The following NTM variants were observed in gnomAD, a reference collection of about 807,000 sequenced individuals.
NTM encodes neurotrimin.
Under a neutral mutation model 42.1 loss-of-function variants are expected in NTM, and 13 were observed. The observed-to-expected ratio is 0.31, with a 90% CI of 0.20 to 0.49. The LOEUF is 0.49. Ranked by LOEUF, NTM falls within the 20% of genes least tolerant of loss-of-function variation. The pLI is 0.99. For synonymous variants in NTM, 187 were observed against 179.2 expected (o/e 1.04, Z -0.35); for missense variants, 373 against 452.8 (o/e 0.82, Z 1.60).
intron 2 of NTM, among the ~76,000 whole-genome samples, chr11:132,068,702 A>G (rs2056893080): frequency 6.6e-6 from 1 of 152,226 alleles, no homozygotes; most frequent in Non-Finnish European, 1.5e-5. Flanking sequence ...AGAGACATCA[A>G]AAGGGGTGCA....
chr11:131,583,089 C>T (rs2058559931), intron 1 of NTM, among the ~76,000 whole-genome samples: 1 of 152,230 alleles, frequency 6.6e-6, no homozygotes, highest in African/African-American at 2.4e-5. Flanking sequence ...CATCACTAAC[C>T]TATTTCCACA....
intron 1 of NTM, among the ~76,000 whole-genome samples, chr11:131,428,656 T>G (rs1948389254): frequency 6.6e-6 from 1 of 152,144 alleles, no homozygotes; most frequent in Non-Finnish European, 1.5e-5. Context: ...CTTTAATCTT[T>G]GTATCATTTC....
At chr11:131,791,091 T>A (rs985322985) in intron 1 of NTM, among the ~76,000 whole-genome samples, 2 of 152,202 alleles carry the variant, frequency 1.3e-5, no homozygotes, top group Non-Finnish European at 2.9e-5. Flanking sequence ...GTGTACAAGT[T>A]GGCAAAAAAC....
At chr11:132,056,959 G>A (rs999347258) in intron 2 of NTM, among the ~76,000 whole-genome samples, 6 of 152,142 alleles carry the variant, frequency 3.9e-5, no homozygotes, top group African/African-American at 9.7e-5. Flanking sequence ...CAGGGGCGCC[G>A]CCTGCTTTGT....
At chr11:131,410,718 C>T (rs374077096) in intron 1 of NTM, among the ~76,000 whole-genome samples, 42 of 152,112 alleles carry the variant, frequency 2.8e-4, no homozygotes, top group African/African-American at 8.4e-4. Flanking sequence ...TTTCTGATTA[C>T]GGCCTTTGCT....
chr11:131,703,947 C>T (rs1039604749), intron 1 of NTM, among the ~76,000 whole-genome samples: 4 of 152,136 alleles, frequency 2.6e-5, no homozygotes, highest in African/African-American at 9.7e-5. Flanking sequence ...GCCCCCACAG[C>T]TCCAGCCTCT....
chr11:131,860,080 C>T (rs1050642186), intron 1 of NTM, among the ~76,000 whole-genome samples: 1 of 152,144 alleles, frequency 6.6e-6, no homozygotes. Context: ...GCGTCTATAT[C>T]GGGCCTCAGC....
chr11:131,763,615 G>C (rs890418013), intron 1 of NTM, among the ~76,000 whole-genome samples: 5 of 151,314 alleles, frequency 3.3e-5, no homozygotes, highest in Non-Finnish European at 7.4e-5. Flanking sequence ...ATCTAGAATG[G>C]GAAGCTGAAG....
rs144418819 is a variant in NTM at position 131,876,700 on chromosome 11, G to C, written c.83-34864G>C. ...TCCACAGCAACCAGAGCTGAGAGAG[G>C]CCAGGTTATATGAGTGAGACAACCT... On this transcript the variant is annotated intron_variant, in intron 1 of 8. Coordinates refer to ENST00000683400, the MANE Select transcript of NTM (RefSeq NM_001352005.2). Among the ~76,000 whole-genome samples the C allele has an allele frequency of 2.2e-4, 34 of 152,254 alleles. 1 individual carries two copies. In the East Asian group the frequency reaches 5.8e-3, roughly 26 times the overall value.
At chr11:131,667,995 G>C (rs1443412924) in intron 1 of NTM, among the ~76,000 whole-genome samples, 2 of 152,210 alleles carry the variant, frequency 1.3e-5, no homozygotes, top group African/African-American at 4.8e-5. Context: ...CTGGTGCCTT[G>C]TGCGGCTTGA....
At chr11:131,437,233 T>C (rs1007644876) in intron 1 of NTM, among the ~76,000 whole-genome samples, 3 of 152,338 alleles carry the variant, frequency 2.0e-5, no homozygotes, top group African/African-American at 7.2e-5. Context: ...ATAAGTGCGA[T>C]GTGGTGCTGA....
intron 1 of NTM, chr11:131,777,163 C>T (rs2087151692): frequency 1.6e-5 from 10 of 614,356 alleles, no homozygotes; most frequent in Non-Finnish European, 1.8e-5. Flanking sequence ...CACCAATGCC[C>T]ACTACTGCCT....
intron 2 of NTM, among the ~76,000 whole-genome samples, chr11:131,984,041 TGCCAA>T (rs1463493216): frequency 6.6e-6 from 1 of 152,202 alleles, no homozygotes; most frequent in East Asian, 1.9e-4. Flanking sequence ...ACCTAATTAA[TGCCAA>T]GAAAAAATAG....
intron 1 of NTM, among the ~76,000 whole-genome samples, chr11:131,384,463 A>G (rs1238410314): frequency 2.6e-5 from 4 of 152,216 alleles, no homozygotes; most frequent in Non-Finnish European, 5.9e-5. Flanking sequence ...TCTTGGGGAT[A>G]ACAGTTTTGT....
chr11:132,314,749 G>A (rs750283865), intron 7 of NTM, 46 bp downstream of exon 7: 1 of 1,561,522 alleles, frequency 6.4e-7, no homozygotes, highest in Non-Finnish European at 8.7e-7. Flanking sequence ...AGAGGGTGCA[G>A]AACGGGAGAG....
chr11:131,684,352 C>A (rs2073503125), intron 1 of NTM, among the ~76,000 whole-genome samples: 2 of 152,166 alleles, frequency 1.3e-5, no homozygotes, highest in Non-Finnish European at 2.9e-5. Context: ...AGTCACACAC[C>A]CCCTCCCCAC....
At chr11:132,021,526 T>C (rs1452328902) in intron 2 of NTM, among the ~76,000 whole-genome samples, 4 of 152,204 alleles carry the variant, frequency 2.6e-5, no homozygotes, top group Non-Finnish European at 5.9e-5. Flanking sequence ...AAAGGTTGTA[T>C]TTTGCTGTTT....
chr11:131,920,111 GT>G (rs2057006614), intron 2 of NTM, among the ~76,000 whole-genome samples: 1 of 152,206 alleles, frequency 6.6e-6, no homozygotes, highest in Non-Finnish European at 1.5e-5. Flanking sequence ...CATCCAGAAG[GT>G]TCTGTGGAGC....
At chr11:131,997,403 TAGA>T (rs1167668719) in intron 2 of NTM, among the ~76,000 whole-genome samples, 2 of 152,184 alleles carry the variant, frequency 1.3e-5, no homozygotes, top group African/African-American at 2.4e-5. Flanking sequence ...CTAATAAGTT[TAGA>T]AGAAGATTTA....
Sources: gnomAD v4.1 joint callset for allele counts (sites outside exome capture counted in the v4.1 genomes callset) on GRCh38, gnomAD v4.1.1 for gene constraint, MANE v1.5 for transcripts, NCBI Gene and HGNC (gene_info 2026-07-23, HGNC 2026-07-21) for gene names.